The following WARS2 variants were observed in gnomAD, a reference collection of about 807,000 sequenced individuals.
WARS2 encodes the protein tryptophan--tRNA ligase, mitochondrial.
Under a neutral mutation model 36.5 loss-of-function variants are expected in WARS2, and 28 were observed. The ratio of observed to expected loss-of-function variants is 0.77; its 90% CI spans 0.57 to 1.05. The LOEUF (loss-of-function observed/expected upper bound fraction) is 1.05, where lower values mean the gene tolerates loss of function less well. Among genes scored for constraint, WARS2 ranks in the 50% least tolerant of loss-of-function variants. The pLI is 0.00. For synonymous variants in WARS2, 174 were observed against 178.4 expected (o/e 0.98, Z 0.20); for missense variants, 435 against 456.8 (o/e 0.95, Z 0.44).
chr1:119,089,090 C>A (rs587720300), intron 1 of WARS2, among the ~76,000 whole-genome samples: 1 of 152,304 alleles, frequency 6.6e-6, no homozygotes, highest in Non-Finnish European at 1.5e-5. Context: ...CTCAAGTGTT[C>A]TGAACCTTTG....
chr1:119,062,431 A>T (rs1343723), intron 2 of WARS2, among the ~76,000 whole-genome samples: 48,124 of 151,880 alleles, frequency 0.32, 8,821 homozygotes, highest in African/African-American at 0.51. Flanking sequence ...TGATTCTCAG[A>T]GGCTGTGCAA....
chr1:119,070,597 C>T (rs1474841086), intron 2 of WARS2, among the ~76,000 whole-genome samples: 3 of 116 alleles, frequency 0.026, no homozygotes, highest in Middle Eastern at 0.5. Context: ...AGTTTTCTGG[C>T]CAGGCACAGG....
chr1:119,129,798 T>C (rs1487630276), intron 1 of WARS2, among the ~76,000 whole-genome samples: 2 of 152,204 alleles, frequency 1.3e-5, no homozygotes, highest in Non-Finnish European at 1.5e-5. Context: ...AAAGGTTTTA[T>C]TAAACATGTA....
intron 1 of WARS2, among the ~76,000 whole-genome samples, chr1:119,090,199 C>A (rs1299520341): frequency 1.3e-5 from 2 of 151,384 alleles, no homozygotes; most frequent in Non-Finnish European, 2.9e-5. Flanking sequence ...TTATAGTTTT[C>A]TTTTTATATA....
chr1:119,033,418 C>G (rs1347929842), intron 5 of WARS2, 59 bp from the exon 6 acceptor site: 2 of 1,592,952 alleles, frequency 1.3e-6, no homozygotes, highest in South Asian at 2.3e-5. Flanking sequence ...AACAGATCAC[C>G]AAGATGTACA....
At chr1:119,098,820 T>C (rs1303374416) in intron 1 of WARS2, among the ~76,000 whole-genome samples, 1 of 151,964 alleles carries the variant, frequency 6.6e-6, no homozygotes, top group African/African-American at 2.4e-5. Context: ...CACTGCAACC[T>C]CCACCTCCTG....
chr1:119,140,480 A>C (rs1656880552), intron 1 of WARS2, 75 bp downstream of exon 1: 3 of 1,388,550 alleles, frequency 2.2e-6, no homozygotes, highest in Admixed American at 1.9e-5. Flanking sequence ...GAGGAGAGAA[A>C]TAAATAGAGG....
intron 2 of WARS2, among the ~76,000 whole-genome samples, chr1:119,046,017 T>G (rs1648783929): frequency 6.6e-6 from 1 of 152,038 alleles, no homozygotes; most frequent in Non-Finnish European, 1.5e-5. Context: ...TCTCTCTCTC[T>G]CTATCACACA....
At chr1:119,088,656 T>C (rs778720432) in intron 1 of WARS2, among the ~76,000 whole-genome samples, 3 of 152,182 alleles carry the variant, frequency 2.0e-5, no homozygotes, top group Non-Finnish European at 2.9e-5. Context: ...GTAGCCTCTA[T>C]GCTGGTGAGA....
chr1:119,092,683 T>C (rs1390388434), intron 1 of WARS2, among the ~76,000 whole-genome samples: 1 of 152,198 alleles, frequency 6.6e-6, no homozygotes, highest in Non-Finnish European at 1.5e-5. Flanking sequence ...TATGTGATCT[T>C]TGGCAAGTAT....
At chr1:119,065,024 T>C (rs1243674531) in intron 2 of WARS2, among the ~76,000 whole-genome samples, 1 of 151,898 alleles carries the variant, frequency 6.6e-6, no homozygotes, top group Non-Finnish European at 1.5e-5. Flanking sequence ...AAAGCATTGC[T>C]ATATTCTTTG....
chr1:119,076,705 T>C (rs1651767642), intron 1 of WARS2, 98 bp from the exon 2 acceptor site: 1 of 1,512,538 alleles, frequency 6.6e-7, no homozygotes, highest in Non-Finnish European at 8.9e-7. Context: ...TATATTTTTG[T>C]AAACTACAAT....
At chr1:119,083,884 CCATAA>C (rs1184904083) in intron 1 of WARS2, among the ~76,000 whole-genome samples, 3 of 152,130 alleles carry the variant, frequency 2.0e-5, no homozygotes, top group Admixed American at 6.5e-5. Context: ...CATATTCTTG[CCATAA>C]CATACTAACT....
chr1:119,096,759 A>G (rs1653470841), intron 1 of WARS2, among the ~76,000 whole-genome samples: 1 of 152,216 alleles, frequency 6.6e-6, no homozygotes, highest in Admixed American at 6.5e-5. Flanking sequence ...ATTGTACCCC[A>G]TAAATATGTA....
chr1:119,112,611 G>C (rs183068949), intron 1 of WARS2, among the ~76,000 whole-genome samples: 1 of 152,260 alleles, frequency 6.6e-6, no homozygotes. Context: ...CAAAAATACG[G>C]TGCTCATGTC....
Position 119,042,129 on chromosome 1 carries a change from T to C in WARS2, c.515+135A>G, listed in dbSNP as rs112031468. On this transcript the variant is annotated intron_variant, in intron 4 of 5. Transcript: ENST00000235521. ...TCTATAATGTAGTATTTCTGGGGAA[T>C]AGATATAAACTGATTCAGATGTCTG... 215 of 639,760 alleles carry C rather than the reference T, an allele frequency of 3.4e-4. 3 individuals carry two copies. In the South Asian group the frequency reaches 4.8e-3, roughly 14 times the overall value. The allele number at this position is 639,760 out of a possible 1,614,324, so 39.6% of individuals were successfully genotyped here.
chr1:119,046,950 T>C (rs371763338), intron 2 of WARS2, among the ~76,000 whole-genome samples: 9 of 152,266 alleles, frequency 5.9e-5, no homozygotes, highest in African/African-American at 2.2e-4. Context: ...TGTAAGATAG[T>C]TTCTCATTTT....
intron 2 of WARS2, 115 bp downstream of exon 2, chr1:119,076,235 T>C (rs1651716200): frequency 7.6e-7 from 1 of 1,316,698 alleles, no homozygotes; most frequent in African/African-American, 1.5e-5. Flanking sequence ...TTTGAAAAAG[T>C]CACCTTCAAA....
At chr1:119,044,837 T>C (rs1648658714) in intron 3 of WARS2, among the ~76,000 whole-genome samples, 1 of 152,144 alleles carries the variant, frequency 6.6e-6, no homozygotes, top group Non-Finnish European at 1.5e-5. Context: ...GGTTTCAACA[T>C]ATGAATTCTG....
Sources: gnomAD v4.1 joint callset for allele counts (sites outside exome capture counted in the v4.1 genomes callset) on GRCh38, gnomAD v4.1.1 for gene constraint, MANE v1.5 for transcripts, NCBI Gene and HGNC (gene_info 2026-07-23, HGNC 2026-07-21) for gene names.